Variants in GTF2H1 observed in about 807,000 individuals in gnomAD.
The protein encoded by GTF2H1 is BTF2 p62.
A neutral mutation model predicts 71.2 loss-of-function variants in GTF2H1; 16 were observed. The ratio of observed to expected loss-of-function variants is 0.22; its 90% confidence interval spans 0.15 to 0.34. The LOEUF (loss-of-function observed/expected upper bound fraction) is 0.34. Among genes scored for constraint, GTF2H1 ranks in the 10% least tolerant of loss-of-function variants. The pLI is 1.00. For missense variants in GTF2H1, 498 were observed against 648.2 expected (o/e 0.77, Z 2.52); for synonymous variants, 215 against 219.0 (o/e 0.98, Z 0.16).
At chr11:18,324,848 C>T (rs1018070270) in intron 1 of GTF2H1, among the ~76,000 whole-genome samples, 2 of 152,202 alleles carry the variant, frequency 1.3e-5, no homozygotes, top group Non-Finnish European at 2.9e-5. Flanking sequence ...TGTCATGCAT[C>T]TCTGTCGCAT....
intron 1 of GTF2H1, among the ~76,000 whole-genome samples, chr11:18,323,989 G>T (rs1864675232): frequency 6.6e-6 from 1 of 152,136 alleles, no homozygotes; most frequent in South Asian, 2.1e-4. Context: ...CCTGTTAGCA[G>T]GCTTAAGTCC....
chr11:18,342,804 A>G (rs1865191404), intron 7 of GTF2H1, among the ~76,000 whole-genome samples: 1 of 152,204 alleles, frequency 6.6e-6, no homozygotes, highest in Admixed American at 6.5e-5. Flanking sequence ...TCTGTTTAGT[A>G]TCAATAGCTG....
At chr11:18,363,355 T>TG (rs2133994153) in intron 14 of GTF2H1, among the ~76,000 whole-genome samples, 1 of 152,316 alleles carries the variant, frequency 6.6e-6, no homozygotes, top group African/African-American at 2.4e-5. Flanking sequence ...TTTATACAGC[T>TG]GGCTACTTAA....
chr11:18,329,787 C>T (rs1376454234), intron 1 of GTF2H1, among the ~76,000 whole-genome samples: 1 of 152,198 alleles, frequency 6.6e-6, no homozygotes, highest in Non-Finnish European at 1.5e-5. Flanking sequence ...CTCTTCAAGA[C>T]CCAATTTATA....
chr11:18,325,160 A>G (rs1222751241), intron 1 of GTF2H1, among the ~76,000 whole-genome samples: 1 of 152,158 alleles, frequency 6.6e-6, no homozygotes, highest in Non-Finnish European at 1.5e-5. Flanking sequence ...GTTGCTCCCT[A>G]TCTCCTCTCC....
At chr11:18,356,261 TC>T (rs1170022970) in intron 11 of GTF2H1, among the ~76,000 whole-genome samples, 1 of 151,488 alleles carries the variant, frequency 6.6e-6, no homozygotes, top group Non-Finnish European at 1.5e-5. Context: ...ACCTGTAGTC[TC>T]AGCTACTCGG....
chr11:18,343,906 T>C (rs4150617), intron 7 of GTF2H1, among the ~76,000 whole-genome samples: 1 of 152,194 alleles, frequency 6.6e-6, no homozygotes, highest in African/African-American at 2.4e-5. Flanking sequence ...CAATCATGGC[T>C]CACTGCAATC....
intron 7 of GTF2H1, among the ~76,000 whole-genome samples, chr11:18,342,252 C>CTTTTTTTTTTTTT (rs71047585): frequency 4.1e-5 from 3 of 72,720 alleles, no homozygotes; most frequent in Non-Finnish European, 7.4e-5. Flanking sequence ...TTTTCTGTCT[C>CTTTTTTTTTTTTT]TTTTTTTTTT....
chr11:18,360,507 TAAA>T, intron 13 of GTF2H1, 105 bp from the exon 14 acceptor site: 1 of 560,588 alleles, frequency 1.8e-6, no homozygotes, highest in Non-Finnish European at 3.1e-6. Context: ...TTTTTACATT[TAAA>T]AAAATTCTAC....
intron 7 of GTF2H1, 113 bp downstream of exon 7, chr11:18,341,720 C>T (rs1865161538): frequency 1.6e-6 from 1 of 644,106 alleles, no homozygotes; most frequent in Non-Finnish European, 2.7e-6. Context: ...AAGCAAAATA[C>T]TGTTACTTGA....
At position 18,347,893 on chromosome 11, in the gene GTF2H1, G is replaced by C; in HGVS notation, c.1027G>C (p.Asp343His). ...CATGGATGGAAATTCCGGAGATGCAGACTGCTTTCAGCCAGCAGTCAAAAG... is the reference window on the plus strand; with the variant it reads ...CATGGATGGAAATTCCGGAGATGCACACTGCTTTCAGCCAGCAGTCAAAAG... The part of the protein sequence containing the change: ...SNMDGNSGDA[D>H]CFQPAVKRAK... Residue 343 changes from aspartate (D) to histidine (H), a missense_variant, in exon 9 of 15, where the codon GAC (aspartate) becomes CAC (histidine). By Grantham distance (81) the Asp-to-His change is moderately conservative. This residue lies in a region of GTF2H1 where 266 missense variants were observed against 301.6 expected (regional missense o/e 0.88). Transcript: ENST00000265963. 1 of 1,613,742 alleles carries C rather than the reference G, an allele frequency of 6.2e-7. No individual in the cohort carries two copies. Among genetic ancestry groups the C allele is most frequent in the Non-Finnish European group, 8.5e-7 (1 of 1,179,698 alleles).
chr11:18,361,485 A>G (rs924240215), intron 14 of GTF2H1, among the ~76,000 whole-genome samples: 1 of 152,184 alleles, frequency 6.6e-6, no homozygotes, highest in African/African-American at 2.4e-5. Flanking sequence ...TCTGGCCAAC[A>G]TGGCGAAACC....
intron 1 of GTF2H1, chr11:18,326,275 A>G (rs939184955): frequency 6.6e-6 from 1 of 152,018 alleles, no homozygotes; most frequent in Non-Finnish European, 1.5e-5. Context: ...TAATCCCAGC[A>G]CTTTGGGAGG....
intron 11 of GTF2H1, among the ~76,000 whole-genome samples, chr11:18,357,169 A>G (rs1462862354): frequency 1.3e-5 from 2 of 152,164 alleles, no homozygotes; most frequent in African/African-American, 2.4e-5. Context: ...AATCTTAGAG[A>G]TGCTAACCCT....
intron 14 of GTF2H1, among the ~76,000 whole-genome samples, chr11:18,362,607 C>G (rs566344025): frequency 3.3e-5 from 5 of 150,364 alleles, no homozygotes; most frequent in South Asian, 4.2e-4. Flanking sequence ...ATAAGCCTTT[C>G]TCTCTCTCTT....
chr11:18,333,386 C>G (rs575981749), intron 2 of GTF2H1, 158 bp downstream of exon 2: 4 of 519,754 alleles, frequency 7.7e-6, no homozygotes, highest in Non-Finnish European at 1.3e-5. Context: ...TATAACCTGA[C>G]CTTTTCACTT....
chr11:18,364,953 G>T (rs1049066803), intron 14 of GTF2H1, among the ~76,000 whole-genome samples: 1 of 151,872 alleles, frequency 6.6e-6, no homozygotes, highest in African/African-American at 2.4e-5. Context: ...TACGGGGCTG[G>T]GCACAGCAGC....
At position 18,332,389 on chromosome 11, in the gene GTF2H1, G is replaced by A. The variant is rs567157186; in HGVS notation, c.-15-671G>A. 2.0e-5 allele frequency among the ~76,000 whole-genome samples: 3 copies of A among 152,276 alleles called. No homozygotes were observed. The East Asian group carries it at 5.8e-4, about 29-fold the overall frequency. ...ACTCAAGCCTGGAGGATTTGGGTTG[G>A]GCATTTAAGATTCTCAGAGGCAGGG... On this transcript the variant is annotated intron_variant, in intron 1 of 14. Coordinates refer to ENST00000265963, the MANE Select transcript of GTF2H1 (RefSeq NM_005316.4).
chr11:18,336,076 G>T, intron 3 of GTF2H1, 130 bp downstream of exon 3: 1 of 626,288 alleles, frequency 1.6e-6, no homozygotes, highest in Non-Finnish European at 2.7e-6. Flanking sequence ...TGTCGTTTTT[G>T]TTTTTGTTTT....
Sources: gnomAD v4.1 joint callset for allele counts (sites outside exome capture counted in the v4.1 genomes callset) on GRCh38, gnomAD v4.1.1 for gene constraint, gnomAD v4.1.1 regional missense constraint, MANE v1.5 for transcripts, NCBI Gene and HGNC (gene_info 2026-07-23, HGNC 2026-07-21) for gene names.